Variants in CUL4A observed in about 807,000 individuals in gnomAD.
CUL4A encodes cullin 4A, also known as cullin-4A.
In CUL4A, 16 loss-of-function variants were observed where a neutral mutation model predicts 95.5. The ratio of observed to expected loss-of-function variants is 0.17; its 90% CI spans 0.11 to 0.25. The LOEUF (loss-of-function observed/expected upper bound fraction) is 0.25, where lower values mean the gene tolerates loss of function less well. CUL4A is among the 10% of genes least tolerant of loss of function. CUL4A has a pLI of 1.00. For missense variants in CUL4A, 610 were observed against 937.0 expected (o/e 0.65, Z 4.56); for synonymous variants, 380 against 353.1 (o/e 1.08, Z -0.85).
chr13:113,234,525 G>A (rs2041473079), intron 7 of CUL4A, among the ~76,000 whole-genome samples: 1 of 152,218 alleles, frequency 6.6e-6, no homozygotes, highest in African/African-American at 2.4e-5. Flanking sequence ...TGGCTTTGCA[G>A]AGGAAGTTTC....
In CUL4A at chr13:113,255,029, A is replaced by G. The variant is rs778697551; in HGVS notation, c.1935A>G (p.Gly645=). The change falls in exon 18 of 20, where the codon GGA becomes GGG. Residue 645 remains glycine (G), a synonymous_variant. Coordinates refer to ENST00000375440, the MANE Select transcript of CUL4A (RefSeq NM_001008895.4). ...KARVLIKSPK[G]KEVEDGDKFI... is the part of the protein sequence containing the mutation. ...GTGTGCTGATTAAAAGTCCCAAAGG[A>G]AAGGAAGTGGAAGATGGAGACAAGT... 3 of 1,614,178 alleles carry G rather than the reference A, an allele frequency of 1.9e-6. No homozygotes were observed. Among genetic ancestry groups the G allele is most frequent in the Non-Finnish European group, 2.5e-6 (3 of 1,180,010 alleles).
Position 113,235,059 on chromosome 13 carries a change from T to G in CUL4A, c.766-4T>G. On this transcript the variant is annotated splice_region_variant and splice_polypyrimidine_tract_variant and intron_variant, in intron 7 of 19. Transcript: ENST00000375440. ...CTGATACATTTAATTGTTTTGTTTG[T>G]AAGGTTCCAGAATATCTTAACCATG... is the stretch of plus-strand genomic sequence containing the variant. 1 of 1,595,300 alleles carries G rather than the reference T, an allele frequency of 6.3e-7. No homozygotes were observed. Among genetic ancestry groups the G allele is most frequent in the Admixed American group, 1.7e-5 (1 of 58,132 alleles).
In CUL4A at chr13:113,264,290, T is replaced by C. The variant is rs1267705675; in HGVS notation, c.*708T>C. 1.3e-5 allele frequency: 2 copies of C among 152,194 alleles called. No individual in the cohort carries two copies. Among genetic ancestry groups the C allele is most frequent in the African/African-American group, 4.8e-5 (2 of 41,464 alleles). The allele number at this position is 152,194 out of a possible 1,614,324, so 9.4% of individuals were successfully genotyped here. On this transcript the variant is annotated 3_prime_UTR_variant, in exon 20 of 20. Coordinates refer to ENST00000375440, the MANE Select transcript of CUL4A (RefSeq NM_001008895.4). Reference sequence around the variant, plus strand: ...TCTCTGTTTTAGGGTTTGGGGCTAGTGTGTTTGTGTTTCCATTCTAAGATT... The same window carrying C: ...TCTCTGTTTTAGGGTTTGGGGCTAGCGTGTTTGTGTTTCCATTCTAAGATT...
At chr13:113,236,942 A>G (rs780698811) in intron 9 of CUL4A, 52 bp downstream of exon 9, 14 of 1,287,356 alleles carry the variant, frequency 1.1e-5, no homozygotes, top group Non-Finnish European at 1.6e-5. Context: ...TCCTTAGTTC[A>G]TTAGGAAAGT....
intron 18 of CUL4A, among the ~76,000 whole-genome samples, chr13:113,259,849 A>G (rs1222987648): frequency 1.3e-5 from 2 of 152,222 alleles, no homozygotes; most frequent in South Asian, 2.1e-4. Flanking sequence ...ACCTTTTACT[A>G]CAACAAGTAA....
rs78489862 is a variant in CUL4A at position 113,234,914 on chromosome 13, T to G, written c.766-149T>G. The stretch of plus-strand genomic sequence containing the variant: ...CCCACACACATTTCCGTCCTACCTC[T>G]CCCTCCCTGTTAATCTGTGTTAATA... On this transcript the variant is annotated intron_variant, in intron 7 of 19. Transcript: ENST00000375440. 1.6e-3 allele frequency: 972 copies of G among 606,396 alleles called. 9 individuals carry two copies. The highest frequency in any genetic ancestry group is 0.016 in the African/African-American group (855 of 53,754). The allele number at this position is 606,396 out of a possible 1,614,324, so 37.6% of individuals were successfully genotyped here. A position where few individuals can be genotyped will look rare whatever the true frequency, so the allele number is the denominator to read the frequency against.
At chr13:113,215,713 G>A (rs1230105814) in intron 2 of CUL4A, among the ~76,000 whole-genome samples, 2 of 137,622 alleles carry the variant, frequency 1.5e-5, no homozygotes, top group African/African-American at 2.8e-5. Flanking sequence ...TGTGGAGGTC[G>A]CTGTGTGGCT....
At chr13:113,247,844 C>T (rs964133074) in intron 15 of CUL4A, among the ~76,000 whole-genome samples, 2 of 152,182 alleles carry the variant, frequency 1.3e-5, no homozygotes, top group Admixed American at 1.3e-4. Flanking sequence ...TGAGGGCATT[C>T]ATTCTGATGT....
At chr13:113,242,476 A>G (rs1330620756) in intron 10 of CUL4A, among the ~76,000 whole-genome samples, 3 of 152,208 alleles carry the variant, frequency 2.0e-5, no homozygotes, top group East Asian at 1.9e-4. Flanking sequence ...CGTAAGACCA[A>G]TGCATTAATT....
In CUL4A at chr13:113,245,063, A is replaced by G. The variant is rs1477057212; in HGVS notation, c.1444+4A>G. 1 of 1,613,116 alleles carries G rather than the reference A, an allele frequency of 6.2e-7. No homozygotes were observed. The highest frequency in any genetic ancestry group is 8.5e-7 in the Non-Finnish European group (1 of 1,179,092). On this transcript the variant is annotated splice_donor_region_variant and intron_variant, in intron 13 of 19. Coordinates refer to ENST00000375440, the MANE Select transcript of CUL4A (RefSeq NM_001008895.4). ...ATGTTGTCAAAGCTCAAGCATGGTA[A>G]GTATGTGGGGCCTGGGCTCCTCCCC... is the stretch of plus-strand genomic sequence containing the variant.
At position 113,243,119 on chromosome 13, in the gene CUL4A, C is replaced by T. The variant is rs772640512; in HGVS notation, c.1187C>T (p.Thr396Met). 3.1e-6 allele frequency: 5 copies of T among 1,613,986 alleles called. No individual in the cohort carries two copies. The highest frequency in any genetic ancestry group is 1.1e-5 in the South Asian group (1 of 91,078). The change falls in exon 11 of 20, where the codon ACG (threonine) becomes ATG (methionine). Residue 396 changes from threonine to methionine, a missense_variant. Transcript: ENST00000375440. ...AACCTGATGAAGGAGTCCTTTGAGA[C>T]GTTCATCAACAAGAGACCCAACAAG... is the stretch of plus-strand genomic sequence containing the variant. ...FVNLMKESFE[T>M]FINKRPNKPA...
upstream of CUL4A, chr13:113,208,246 C>G: frequency 2.1e-6 from 3 of 1,448,224 alleles, no homozygotes; most frequent in East Asian, 7.4e-5. Flanking sequence ...GCACCGCCCA[C>G]AGCGGGCCCT....
Position 113,266,722 on chromosome 13 carries a change from T to C in CUL4A, c.*3140T>C, listed in dbSNP as rs1206438136. 1 of 152,164 alleles carries C rather than the reference T, an allele frequency of 6.6e-6. No individual in the cohort carries two copies. The highest frequency in any genetic ancestry group is 1.5e-5 in the Non-Finnish European group (1 of 68,032). The allele number at this position is 152,164 out of a possible 1,614,324, so 9.4% of individuals were successfully genotyped here. On this transcript the variant is annotated 3_prime_UTR_variant, in exon 20 of 20. Coordinates refer to ENST00000375440, the MANE Select transcript of CUL4A (RefSeq NM_001008895.4). Reference sequence around the variant, plus strand: ...TCAGGAACTGGAACTTTGCAACAACTACCCATGCTCAGAAGTTTGGGCCAC... The same window carrying C: ...TCAGGAACTGGAACTTTGCAACAACCACCCATGCTCAGAAGTTTGGGCCAC...
intron 18 of CUL4A, among the ~76,000 whole-genome samples, chr13:113,255,961 C>A (rs2042110075): frequency 6.6e-6 from 1 of 152,094 alleles, no homozygotes; most frequent in Non-Finnish European, 1.5e-5. Flanking sequence ...TTCTTTCTCC[C>A]GAAGGTAACC....
At chr13:113,253,732 G>A (rs868615807) in intron 16 of CUL4A, among the ~76,000 whole-genome samples, 10 of 152,146 alleles carry the variant, frequency 6.6e-5, no homozygotes, top group African/African-American at 2.4e-4. Context: ...CATTTTCACG[G>A]ATTAATGAAT....
At chr13:113,260,415 C>A (rs1246942635) in intron 18 of CUL4A, among the ~76,000 whole-genome samples, 192 bp from the exon 19 acceptor site, 1 of 151,224 alleles carries the variant, frequency 6.6e-6, no homozygotes, top group African/African-American at 2.4e-5. Flanking sequence ...CCGGGCATGA[C>A]AGCAGGTGCC....
intron 3 of CUL4A, 63 bp downstream of exon 3, chr13:113,219,111 A>G: frequency 2.0e-6 from 2 of 1,006,972 alleles, no homozygotes; most frequent in Non-Finnish European, 3.0e-6. Context: ...ACTGAACATT[A>G]TTATGATAAA....
chr13:113,213,010 G>A (rs1352217141), intron 2 of CUL4A, among the ~76,000 whole-genome samples: 1 of 152,102 alleles, frequency 6.6e-6, no homozygotes, highest in Non-Finnish European at 1.5e-5. Context: ...TTTAGAATCG[G>A]CCAATTTGTA....
chr13:113,233,813 C>A, intron 6 of CUL4A, 84 bp from the exon 7 acceptor site: 3 of 853,686 alleles, frequency 3.5e-6, no homozygotes, highest in Non-Finnish European at 6.0e-6. Flanking sequence ...TGGCAGCCTG[C>A]CCCGTCAGAA....
Sources: gnomAD v4.1 joint callset for allele counts (sites outside exome capture counted in the v4.1 genomes callset) on GRCh38, gnomAD v4.1.1 for gene constraint, MANE v1.5 for transcripts, NCBI Gene and HGNC (gene_info 2026-07-23, HGNC 2026-07-21) for gene names.